TMEM184B: variants seen among roughly 807,000 people sequenced by gnomAD.
TMEM184B encodes the protein transmembrane protein 184B.
A neutral mutation model predicts 41.8 loss-of-function variants in TMEM184B; 17 were observed. The observed-to-expected ratio is 0.41, with a 90% CI of 0.28 to 0.61. The LOEUF is 0.61. TMEM184B is among the 20% of genes least tolerant of loss of function. The probability of loss-of-function intolerance (pLI) is 0.34; values close to 1 mark genes in which losing one functional copy is unlikely to be tolerated. For synonymous variants in TMEM184B, 240 were observed against 229.5 expected (o/e 1.05, Z -0.41); for missense variants, 393 against 557.8 (o/e 0.70, Z 2.98).
At chr22:38,223,744 CTCAA>C (rs2091335708) in intron 8 of TMEM184B, 1 of 152,442 alleles carries the variant, frequency 6.6e-6, no homozygotes, top group African/African-American at 2.4e-5. Flanking sequence ...CCTTTACTGG[CTCAA>C]TCAGTCTCAG....
downstream of TMEM184B, among the ~76,000 whole-genome samples, chr22:38,218,546 C>T (rs2091177894): frequency 1.3e-5 from 2 of 151,084 alleles, no homozygotes; most frequent in South Asian, 2.1e-4. Context: ...ATGGGGCCCG[C>T]GGGGTAAGGG....
At position 38,239,431 on chromosome 22, in the gene TMEM184B, A is replaced by T. The variant is rs1384056206; in HGVS notation, c.358+6504T>A. 1 of 152,248 alleles carries T rather than the reference A, an allele frequency of 6.6e-6. No individual in the cohort carries two copies. The highest frequency in any genetic ancestry group is 1.5e-5 in the Non-Finnish European group (1 of 68,080). The allele number at this position is 152,248 out of a possible 1,614,324, so 9.4% of individuals were successfully genotyped here. A position where few individuals can be genotyped will look rare whatever the true frequency, so the allele number is the denominator to read the frequency against. On this transcript the variant is annotated intron_variant, in intron 3 of 8. Coordinates refer to ENST00000361906, the MANE Select transcript of TMEM184B (RefSeq NM_012264.5). This position sits in a 1 kb window ranked among gnomAD's most constrained non-coding sequence, Gnocchi z 4.6. ...CTTCAAGGACAAGAGGAGTGGCAAC[A>T]GCCAAGCGACATCAACAAAGCTCTG...
downstream of TMEM184B, among the ~76,000 whole-genome samples, chr22:38,217,689 T>A (rs1487470020): frequency 1.4e-5 from 2 of 143,454 alleles, no homozygotes; most frequent in Non-Finnish European, 3.0e-5. Flanking sequence ...CATAGCTGAG[T>A]GTGGTGGCGC....
rs1360926880 is a variant in TMEM184B at position 38,246,083 on chromosome 22, G to A, written c.210C>T (p.Arg70=). 6.2e-7 allele frequency: 1 copy of A among 1,611,510 alleles called. No homozygotes were observed. The highest frequency in any genetic ancestry group is 8.5e-7 in the Non-Finnish European group (1 of 1,179,992). ...GCTGCTCGTTGGGGCAGCTGTAGCA[G>A]CGCAGGTGCATGTAGATCTGGGGGC... ...ITCHQIYMHL[R]CYSCPNEQRY... Residue 70 remains arginine (R), a synonymous_variant, in exon 3 of 9, where the codon CGC becomes CGT. Transcript: ENST00000361906.
At chr22:38,231,130 A>C (rs1230153228) in intron 4 of TMEM184B, 114 bp downstream of exon 4, 5 of 899,160 alleles carry the variant, frequency 5.6e-6, no homozygotes, top group Non-Finnish European at 9.4e-6. Flanking sequence ...GAGGCACAGC[A>C]GGTCAAGGTC....
intron 8 of TMEM184B, among the ~76,000 whole-genome samples, chr22:38,224,276 G>C (rs1052727654): frequency 2.6e-5 from 4 of 152,030 alleles, no homozygotes; most frequent in South Asian, 4.2e-4. Context: ...CACCACGCCC[G>C]GCTAATTTTT....
intron 1 of TMEM184B, among the ~76,000 whole-genome samples, chr22:38,265,270 A>C (rs2092428051): frequency 6.6e-6 from 1 of 151,824 alleles, no homozygotes; most frequent in Admixed American, 6.6e-5. Context: ...CAGCCCAACT[A>C]CCCTTGTTCC....
At chr22:38,271,684 C>T (rs2092526284) in intron 1 of TMEM184B, among the ~76,000 whole-genome samples, 1 of 152,176 alleles carries the variant, frequency 6.6e-6, no homozygotes, top group Non-Finnish European at 1.5e-5. Flanking sequence ...TTCCCCCATG[C>T]TTGAGAGCTC....
chr22:38,260,924 A>G (rs1016814933), intron 1 of TMEM184B, among the ~76,000 whole-genome samples: 1 of 152,218 alleles, frequency 6.6e-6, no homozygotes, highest in African/African-American at 2.4e-5. Context: ...AGGCCAAGCT[A>G]AACTGGCAAC....
chr22:38,224,920 C>G lies in TMEM184B; in HGVS notation c.847G>C (p.Val283Leu), dbSNP rs200450525. ...GAIPKIHSAR[V>L]SVGEGTVAAG... ...GCCACGGTGCCCTCGCCCACCGACA[C>G]GCGGGCCGAGTGGATTTTGGGGATG... The change falls in exon 8 of 9, where the codon GTG becomes CTG. Residue 283 changes from valine (V) to leucine (L), a missense_variant. Physicochemically the swap from Val to Leu is conservative, Grantham distance 32. Coordinates refer to ENST00000361906, the MANE Select transcript of TMEM184B (RefSeq NM_012264.5). 7 of 1,610,586 alleles carry G rather than the reference C, an allele frequency of 4.3e-6. No homozygotes were observed. In the East Asian group the frequency reaches 1.6e-4, roughly 36 times the overall value.
At position 38,221,435 on chromosome 22, in the gene TMEM184B, A is replaced by G. The variant is rs900304936; in HGVS notation, c.*34T>C. The stretch of plus-strand genomic sequence containing the variant: ...GGTGGGGCACAGCCTGACCGTGGCT[A>G]TGGCGCCAGCACTTCCGCCACTGCA... On this transcript the variant is annotated 3_prime_UTR_variant, in exon 9 of 9. Transcript: ENST00000361906. 8.3e-6 allele frequency: 13 copies of G among 1,562,664 alleles called. No homozygotes were observed. In the East Asian group the frequency reaches 2.9e-4, roughly 35 times the overall value.
chr22:38,242,776 G>GA (rs1273005284), intron 3 of TMEM184B, among the ~76,000 whole-genome samples: 1 of 151,986 alleles, frequency 6.6e-6, no homozygotes, highest in Non-Finnish European at 1.5e-5. Flanking sequence ...AAAAGCTGGT[G>GA]AACTTGGCCA....
chr22:38,245,833 T>C (rs1008393232), intron 3 of TMEM184B, 102 bp downstream of exon 3: 2 of 1,255,216 alleles, frequency 1.6e-6, no homozygotes, highest in African/African-American at 3.0e-5. Context: ...AAGGGGTGTG[T>C]CAAGACAGTC....
At chr22:38,249,011 C>T (rs562197484) in intron 1 of TMEM184B, among the ~76,000 whole-genome samples, 1 of 152,308 alleles carries the variant, frequency 6.6e-6, no homozygotes, top group South Asian at 2.1e-4. Flanking sequence ...GAAAGCCTGC[C>T]TGCACACCTT....
intron 3 of TMEM184B, chr22:38,231,748 C>T: frequency 2.8e-6 from 1 of 358,854 alleles, no homozygotes; most frequent in Non-Finnish European, 5.4e-6. Context: ...CGCCTGTGGT[C>T]CCAGCTACTG....
intron 5 of TMEM184B, among the ~76,000 whole-genome samples, chr22:38,229,025 T>G (rs999665671): frequency 1.3e-5 from 2 of 152,248 alleles, no homozygotes; most frequent in Admixed American, 6.5e-5. Flanking sequence ...GGTGAGATTC[T>G]GAATTTAGGA....
intron 1 of TMEM184B, among the ~76,000 whole-genome samples, chr22:38,254,537 T>C (rs958347593): frequency 2.0e-5 from 3 of 151,864 alleles, no homozygotes; most frequent in African/African-American, 7.3e-5. Flanking sequence ...GAGGTGGAGC[T>C]TGCAGTGAGC....
intron 3 of TMEM184B, among the ~76,000 whole-genome samples, chr22:38,245,529 C>T (rs1006078968): frequency 1.4e-5 from 2 of 145,096 alleles, no homozygotes; most frequent in Non-Finnish European, 3.0e-5. Flanking sequence ...CACTAAGAAG[C>T]GAGACCCAGG....
intron 1 of TMEM184B, chr22:38,272,680 G>A: frequency 3.0e-6 from 3 of 985,514 alleles, no homozygotes; most frequent in African/African-American, 1.7e-5. Context: ...CGACCTCGCG[G>A]GGCGGAGAGG....
Sources: allele counts gnomAD v4.1 joint callset (sites outside exome capture counted in the v4.1 genomes callset), GRCh38; gene constraint gnomAD v4.1.1; non-coding constraint Gnocchi (gnomAD v3.1); transcripts MANE v1.5; gene names NCBI Gene and HGNC (gene_info 2026-07-23, HGNC 2026-07-21).